Variants in PIAS2 observed in about 807,000 individuals in gnomAD.
The protein encoded by PIAS2 is protein inhibitor of activated STAT 2, also known as E3 SUMO-protein ligase PIAS2.
A neutral mutation model predicts 69.7 loss-of-function variants in PIAS2; 19 were observed. The ratio of observed to expected loss-of-function variants is 0.27; its 90% confidence interval spans 0.19 to 0.40. The LOEUF (loss-of-function observed/expected upper bound fraction) is 0.40. Among genes scored for constraint, PIAS2 ranks in the 10% least tolerant of loss-of-function variants. The pLI is 1.00. For missense variants in PIAS2, 624 were observed against 757.0 expected, an observed-to-expected ratio of 0.82 and a Z score of 2.06; for synonymous variants, 261 against 263.2, an observed-to-expected ratio of 0.99 and a Z score of 0.08.
intron 8 of PIAS2, among the ~76,000 whole-genome samples, chr18:46,841,856 T>C (rs1228428835): frequency 2.0e-5 from 3 of 152,192 alleles, no homozygotes; most frequent in Non-Finnish European, 4.4e-5. Context: ...TTCTTAAAAA[T>C]TGGTAATGTT....
chr18:46,821,317 T>C (rs1438907750), intron 11 of PIAS2, among the ~76,000 whole-genome samples: 1 of 152,140 alleles, frequency 6.6e-6, no homozygotes, highest in African/African-American at 2.4e-5. Flanking sequence ...AAACACAATG[T>C]ACAGTGCTGG....
intron 2 of PIAS2, among the ~76,000 whole-genome samples, chr18:46,887,735 C>T (rs1488125421): frequency 6.6e-6 from 1 of 152,042 alleles, no homozygotes; most frequent in Admixed American, 6.6e-5. Context: ...GAAAGTAAGT[C>T]CCTTTATAAA....
At chr18:46,822,198 A>G (rs540505988) in intron 11 of PIAS2, among the ~76,000 whole-genome samples, 25 of 152,318 alleles carry the variant, frequency 1.6e-4, no homozygotes, top group African/African-American at 5.5e-4. Flanking sequence ...TTTAAATGTC[A>G]AACCACTTAA....
intron 2 of PIAS2, among the ~76,000 whole-genome samples, chr18:46,876,758 G>A (rs1407588459): frequency 2.0e-5 from 3 of 149,858 alleles, no homozygotes; most frequent in African/African-American, 4.9e-5. Context: ...GTGCAGTGGC[G>A]CTATCTCAAC....
intron 1 of PIAS2, among the ~76,000 whole-genome samples, chr18:46,905,084 T>G (rs1203024421): frequency 1.3e-5 from 2 of 152,184 alleles, no homozygotes; most frequent in Non-Finnish European, 2.9e-5. Flanking sequence ...ATACATAGTC[T>G]CTTCATGTAC....
chr18:46,901,638 T>C (rs1167269653), intron 1 of PIAS2, among the ~76,000 whole-genome samples: 1 of 152,218 alleles, frequency 6.6e-6, no homozygotes, highest in Non-Finnish European at 1.5e-5. Flanking sequence ...TTGAGATCTA[T>C]AGAATACATC....
chr18:46,863,950 C>T (rs7238432), intron 3 of PIAS2, among the ~76,000 whole-genome samples: 2,928 of 152,228 alleles, frequency 0.019, 81 homozygotes, highest in African/African-American at 0.065. Context: ...TGCACTAGCA[C>T]AGAGAAAAGG....
chr18:46,918,355 T>C (rs1191381081), upstream of PIAS2, among the ~76,000 whole-genome samples: 1 of 152,194 alleles, frequency 6.6e-6, no homozygotes, highest in Non-Finnish European at 1.5e-5. Context: ...TTTAAGGCCC[T>C]GTTTAATCAG....
At chr18:46,863,696 C>T (rs551384077) in intron 3 of PIAS2, among the ~76,000 whole-genome samples, 210 of 152,282 alleles carry the variant, frequency 1.4e-3, no homozygotes, top group Middle Eastern at 0.01. Flanking sequence ...TTCTAACACA[C>T]AGTATTTACT....
At position 46,832,892 on chromosome 18, in the gene PIAS2, C is replaced by CAAAAAAA. The variant is rs34958166; in HGVS notation, c.1203-3032_1203-3026dup. Among the ~76,000 whole-genome samples the CAAAAAAA allele has an allele frequency of 3.0e-3, 318 of 105,902 alleles. 3 individuals carry two copies. Among genetic ancestry groups the CAAAAAAA allele is most frequent in the African/African-American group, 0.01 (281 of 27,340 alleles). 69.5% of individuals were successfully genotyped at this position (105,902 alleles called of 152,430 possible). ...GGGCAACAGAGCAAGCCTCTGTCTCCAAAAAAAAAAAAAAAAAGAGAAGCC... is the reference window on the plus strand; with the variant it reads ...GGGCAACAGAGCAAGCCTCTGTCTCCAAAAAAAAAAAAAAAAAAAAAAAAGAGAAGCC... On this transcript the variant is annotated intron_variant, in intron 9 of 13. Transcript: ENST00000585916.
At chr18:46,893,095 A>C (rs190073469) in intron 1 of PIAS2, among the ~76,000 whole-genome samples, 2 of 152,288 alleles carry the variant, frequency 1.3e-5, no homozygotes, top group African/African-American at 4.8e-5. Context: ...TGCAGACAAC[A>C]AAGAAGGAAA....
chr18:46,827,196 T>G (rs1018883589), intron 11 of PIAS2: 1 of 152,166 alleles, frequency 6.6e-6, no homozygotes, highest in African/African-American at 2.4e-5. Flanking sequence ...AAACCCAAGT[T>G]TGAAAGAATG....
At chr18:46,900,502 T>C (rs2055639864) in intron 1 of PIAS2, among the ~76,000 whole-genome samples, 1 of 151,354 alleles carries the variant, frequency 6.6e-6, no homozygotes, top group Non-Finnish European at 1.5e-5. Flanking sequence ...ACCCAGGTTC[T>C]ACCAAAAAAA....
chr18:46,891,337 T>C (rs922098169), intron 1 of PIAS2: 11 of 461,052 alleles, frequency 2.4e-5, no homozygotes, highest in African/African-American at 5.9e-5. Flanking sequence ...GATTATGCTC[T>C]AATGCAAACA....
At chr18:46,888,184 C>A (rs963267654) in intron 2 of PIAS2, among the ~76,000 whole-genome samples, 2 of 151,968 alleles carry the variant, frequency 1.3e-5, no homozygotes, top group Non-Finnish European at 2.9e-5. Flanking sequence ...TAAAACATTG[C>A]TGAAAGATAT....
At chr18:46,917,069 G>A (rs1280187478) in intron 1 of PIAS2, 1 of 988,864 alleles carries the variant, frequency 1.0e-6, no homozygotes, top group African/African-American at 1.7e-5. Context: ...CGCGCCAGGT[G>A]TGCGGACCAC....
chr18:46,848,635 C>A (rs1420520772), intron 5 of PIAS2, among the ~76,000 whole-genome samples: 3 of 152,128 alleles, frequency 2.0e-5, no homozygotes, highest in African/African-American at 7.2e-5. Flanking sequence ...TGGTAGTCCA[C>A]ATGATAATGT....
rs183321210 is a variant in PIAS2, at chr18:46,818,594, A to T, written c.1648+2339T>A. Reference sequence around the variant, plus strand: ...TATCAATACCAAAACTCTTCACAGTATGACTAACTACATAAAAATTATGCA... The same window carrying T: ...TATCAATACCAAAACTCTTCACAGTTTGACTAACTACATAAAAATTATGCA... On this transcript the variant is annotated intron_variant, in intron 12 of 13. Coordinates refer to ENST00000585916, the MANE Select transcript of PIAS2 (RefSeq NM_004671.5). The T allele has an allele frequency of 3.4e-4, 209 of 619,036 alleles. 1 individual carries two copies. In the East Asian group the frequency reaches 7.3e-3, roughly 22 times the overall value. 38.3% of individuals were successfully genotyped at this position (619,036 alleles called of 1,614,324 possible).
chr18:46,841,492 T>G (rs565677538), intron 8 of PIAS2, among the ~76,000 whole-genome samples: 1 of 152,344 alleles, frequency 6.6e-6, no homozygotes, highest in Admixed American at 6.5e-5. Flanking sequence ...ATAATAGGAC[T>G]TACTCTTTCT....
Sources: gnomAD v4.1 joint callset for allele counts (sites outside exome capture counted in the v4.1 genomes callset) on GRCh38, gnomAD v4.1.1 for gene constraint, MANE v1.5 for transcripts, NCBI Gene and HGNC (gene_info 2026-07-23, HGNC 2026-07-21) for gene names.